TAF3: variants seen among roughly 807,000 people sequenced by gnomAD.
The protein encoded by TAF3 is TATA-box binding protein associated factor 3.
Under a neutral mutation model 80.6 loss-of-function variants are expected in TAF3, and 7 were observed. That is an observed-to-expected ratio of 0.09 (90% CI 0.05 to 0.16). The LOEUF is 0.16. Among genes scored for constraint, TAF3 ranks in the 10% least tolerant of loss-of-function variants. The probability of loss-of-function intolerance (pLI) is 1.00; values close to 1 mark genes in which losing one functional copy is unlikely to be tolerated. For missense variants in TAF3, 921 were observed against 1,140.2 expected, an observed-to-expected ratio of 0.81 and a Z score of 2.77; for synonymous variants, 444 against 446.1, an observed-to-expected ratio of 1.00 and a Z score of 0.06.
At chr10:7,859,460 G>GAAT (rs1424413297) in intron 2 of TAF3, among the ~76,000 whole-genome samples, 3 of 152,136 alleles carry the variant, frequency 2.0e-5, no homozygotes, top group African/African-American at 7.2e-5. Context: ...GATTGGGGGA[G>GAAT]AATAGTAGGG....
chr10:7,950,015 G>A (rs1265813547), intron 2 of TAF3, among the ~76,000 whole-genome samples: 1 of 152,220 alleles, frequency 6.6e-6, no homozygotes, highest in Non-Finnish European at 1.5e-5. Context: ...GATACATGGT[G>A]AAATCGTTTC....
rs1216172599 is a variant in TAF3, at chr10:7,824,667, A to C, written c.409+107A>C. On this transcript the variant is annotated intron_variant, in intron 2 of 6. Coordinates refer to ENST00000344293, the MANE Select transcript of TAF3 (RefSeq NM_031923.4). ...TTTATAAATTCTGGAAACACAATAG[A>C]AACATTTACTGTTACTTACAAATTA... The C allele has an allele frequency of 2.2e-6, 3 of 1,346,910 alleles. No homozygotes were observed. In the East Asian group the frequency reaches 6.9e-5, roughly 31 times the overall value. 83.4% of individuals were successfully genotyped at this position (1,346,910 alleles called of 1,614,324 possible).
At chr10:8,014,203 A>G (rs1229824164) in intron 6 of TAF3, among the ~76,000 whole-genome samples, 3 of 152,226 alleles carry the variant, frequency 2.0e-5, no homozygotes, top group Non-Finnish European at 4.4e-5. Flanking sequence ...AGGTGGTACA[A>G]ACTGCAGGAC....
At chr10:7,868,517 G>C (rs1465900927) in intron 2 of TAF3, among the ~76,000 whole-genome samples, 1 of 152,338 alleles carries the variant, frequency 6.6e-6, no homozygotes, top group Non-Finnish European at 1.5e-5. Flanking sequence ...ATCAGGAGTG[G>C]AGGCAGTGTG....
chr10:7,907,644 C>T (rs950965754), intron 2 of TAF3, among the ~76,000 whole-genome samples: 3 of 152,172 alleles, frequency 2.0e-5, no homozygotes, highest in African/African-American at 7.2e-5. Flanking sequence ...ATGGGTGATT[C>T]GTAGCAGAGC....
At chr10:7,929,259 GT>G (rs35565870) in intron 2 of TAF3, among the ~76,000 whole-genome samples, 7 of 147,570 alleles carry the variant, frequency 4.7e-5, no homozygotes, top group African/African-American at 1.5e-4. Flanking sequence ...TTTTTTTGTT[GT>G]TTTTTTTTTG....
chr10:7,845,338 C>G (rs2131119629), intron 2 of TAF3, among the ~76,000 whole-genome samples: 1 of 151,906 alleles, frequency 6.6e-6, no homozygotes, highest in Middle Eastern at 3.4e-3. Flanking sequence ...GCACACGGTT[C>G]CTGCTTTAGC....
chr10:7,929,705 TATA>T (rs1837850925), intron 2 of TAF3, among the ~76,000 whole-genome samples: 1 of 152,154 alleles, frequency 6.6e-6, no homozygotes, highest in Non-Finnish European at 1.5e-5. Flanking sequence ...CTGTATAAAA[TATA>T]ATAAGGTTAC....
chr10:7,965,696 A>G lies in TAF3; in HGVS notation c.2186A>G (p.Glu729Gly). ...AAGGAAAGAGAGAAAGAGAAGAGAGAGCGAGAGAAGAGAGAAAAAGAGAAG... is the reference window on the plus strand; with the variant it reads ...AAGGAAAGAGAGAAAGAGAAGAGAGGGCGAGAGAAGAGAGAAAAAGAGAAG... ...KEKEREKEKR[E>G]REKREKEKEK... Residue 729 changes from glutamate (E) to glycine (G), a missense_variant, in exon 3 of 7, where the codon GAG becomes GGG. By Grantham distance (98) the Glu-to-Gly change is moderately conservative. This residue lies in a region of TAF3 where 743 missense variants were observed against 821.0 expected (regional missense o/e 0.90). Transcript: ENST00000344293. The G allele has an allele frequency of 6.4e-7, 1 of 1,561,840 alleles. No individual in the cohort carries two copies. Among genetic ancestry groups the G allele is most frequent in the East Asian group, 2.3e-5 (1 of 44,092 alleles).
intron 2 of TAF3, among the ~76,000 whole-genome samples, chr10:7,831,708 T>G (rs1277620437): frequency 6.6e-6 from 1 of 152,110 alleles, no homozygotes; most frequent in Non-Finnish European, 1.5e-5. Context: ...GGCAGCTTCT[T>G]CACTCTTGCT....
intron 2 of TAF3, among the ~76,000 whole-genome samples, chr10:7,920,244 TTTC>T (rs1485991937): frequency 1.3e-5 from 2 of 151,780 alleles, no homozygotes; most frequent in Admixed American, 6.6e-5. Context: ...ACAAAATTTA[TTTC>T]TTGAGTAAAT....
chr10:7,821,642 GTC>G (rs919770637), intron 1 of TAF3, among the ~76,000 whole-genome samples: 6 of 152,218 alleles, frequency 3.9e-5, no homozygotes, highest in Non-Finnish European at 7.3e-5. Flanking sequence ...AAGGGCAGAT[GTC>G]TCTGTCGGTG....
At chr10:7,834,985 T>C (rs1245298672) in intron 2 of TAF3, among the ~76,000 whole-genome samples, 1 of 152,196 alleles carries the variant, frequency 6.6e-6, no homozygotes, top group African/African-American at 2.4e-5. Flanking sequence ...AGATAGAACA[T>C]TATAGGTTCA....
chr10:7,854,223 T>A (rs933630536), intron 2 of TAF3, among the ~76,000 whole-genome samples: 1 of 152,210 alleles, frequency 6.6e-6, no homozygotes. Context: ...CTCATGAGAA[T>A]TTAGTACTGC....
At chr10:7,865,559 A>T (rs1837204418) in intron 2 of TAF3, among the ~76,000 whole-genome samples, 1 of 152,184 alleles carries the variant, frequency 6.6e-6, no homozygotes, top group Admixed American at 6.5e-5. Flanking sequence ...GTGCGTGCTG[A>T]GCTGTGTGGG....
intron 2 of TAF3, among the ~76,000 whole-genome samples, chr10:7,847,640 T>C (rs1836984692): frequency 6.6e-6 from 1 of 152,240 alleles, no homozygotes; most frequent in South Asian, 2.1e-4. Context: ...AGACAGAGTC[T>C]TGCTGTGTTG....
chr10:7,900,844 T>C (rs980718011), intron 2 of TAF3, among the ~76,000 whole-genome samples: 1 of 152,166 alleles, frequency 6.6e-6, no homozygotes, highest in Non-Finnish European at 1.5e-5. Context: ...ACATGGATTT[T>C]CTCCTACATT....
At chr10:7,841,204 G>T (rs1836909552) in intron 2 of TAF3, among the ~76,000 whole-genome samples, 1 of 152,192 alleles carries the variant, frequency 6.6e-6, no homozygotes, top group African/African-American at 2.4e-5. Context: ...TTCTTTTACG[G>T]TGGTTATATA....
chr10:7,820,320 T>C (rs916248974), intron 1 of TAF3, among the ~76,000 whole-genome samples: 4 of 152,178 alleles, frequency 2.6e-5, no homozygotes, highest in Non-Finnish European at 5.9e-5. Flanking sequence ...AGGAGAAAAA[T>C]TGATTATATT....
Sources: allele counts gnomAD v4.1 joint callset (sites outside exome capture counted in the v4.1 genomes callset), GRCh38; gene constraint gnomAD v4.1.1; regional missense constraint gnomAD v4.1.1; transcripts MANE v1.5; gene names NCBI Gene and HGNC (gene_info 2026-07-23, HGNC 2026-07-21).